Variants in AUTS2 observed in about 807,000 individuals in gnomAD.
AUTS2 encodes autism susceptibility gene 2 protein.
A neutral mutation model predicts 112.4 loss-of-function variants in AUTS2; 17 were observed. The ratio of observed to expected loss-of-function variants is 0.15; its 90% CI spans 0.10 to 0.23. AUTS2 has a LOEUF of 0.23. AUTS2 is among the 10% of genes least tolerant of loss of function. AUTS2 has a pLI of 1.00. For missense variants in AUTS2, 1,510 were observed against 1,701.6 expected, an observed-to-expected ratio of 0.89 and a Z score of 1.98; for synonymous variants, 751 against 702.7, an observed-to-expected ratio of 1.07 and a Z score of -1.09.
intron 4 of AUTS2, among the ~76,000 whole-genome samples, chr7:70,421,381 A>G (rs1448071610): frequency 2.6e-5 from 4 of 151,790 alleles, no homozygotes; most frequent in Admixed American, 2.0e-4. Context: ...GTGGACAGGC[A>G]TTTTCAACAC....
chr7:70,716,460 C>T (rs1389803783), intron 6 of AUTS2, among the ~76,000 whole-genome samples: 1 of 151,904 alleles, frequency 6.6e-6, no homozygotes, highest in Non-Finnish European at 1.5e-5. Flanking sequence ...AGTGAAACCC[C>T]ATCTCTACTA....
chr7:70,219,183 G>C (rs961752589), intron 4 of AUTS2, among the ~76,000 whole-genome samples: 1 of 152,120 alleles, frequency 6.6e-6, no homozygotes, highest in Non-Finnish European at 1.5e-5. Flanking sequence ...CCAAATGATG[G>C]AATAAAATCC....
chr7:70,624,020 C>T (rs1026036969), intron 5 of AUTS2, among the ~76,000 whole-genome samples: 6 of 152,204 alleles, frequency 3.9e-5, no homozygotes, highest in Non-Finnish European at 8.8e-5. Context: ...GGTTAGACTA[C>T]CAGGGAAGTA....
intron 4 of AUTS2, 114 bp from the exon 5 acceptor site, chr7:70,435,638 A>T: frequency 9.8e-7 from 1 of 1,022,596 alleles, no homozygotes; most frequent in Non-Finnish European, 1.5e-6. Context: ...AGCATTTTTT[A>T]TTTCCTTTAC....
intron 1 of AUTS2, among the ~76,000 whole-genome samples, chr7:69,692,983 T>G (rs1797411488): frequency 6.6e-6 from 1 of 152,216 alleles, no homozygotes; most frequent in African/African-American, 2.4e-5. Context: ...ACCTTAATTT[T>G]GAGAAAAAGA....
chr7:69,653,396 G>C (rs1795377935), intron 1 of AUTS2, among the ~76,000 whole-genome samples: 1 of 152,156 alleles, frequency 6.6e-6, no homozygotes. Context: ...AGTGCAACTA[G>C]CCCATTGGAT....
chr7:70,761,164 C>T (rs1392981080), intron 6 of AUTS2, among the ~76,000 whole-genome samples: 9 of 152,080 alleles, frequency 5.9e-5, no homozygotes, highest in East Asian at 1.9e-4. Context: ...ATATGTAAGC[C>T]GGGCACAGTG....
intron 5 of AUTS2, among the ~76,000 whole-genome samples, chr7:70,493,112 C>A (rs1304986609): frequency 6.6e-6 from 1 of 152,082 alleles, no homozygotes; most frequent in East Asian, 1.9e-4. Flanking sequence ...TCTTCATTTT[C>A]TAAAAATGTA....
In AUTS2 at chr7:70,752,057, G is replaced by A. The variant is rs1313061600; in HGVS notation, c.743-10813G>A. 3.7e-5 allele frequency among the ~76,000 whole-genome samples: 5 copies of A among 134,760 alleles called. No individual in the cohort carries two copies. In the East Asian group the frequency reaches 1.1e-3, roughly 30 times the overall value. 88.4% of individuals were successfully genotyped at this position (134,760 alleles called of 152,430 possible). On this transcript the variant is annotated intron_variant, in intron 6 of 18. Transcript: ENST00000342771. ...ACTGGTTTTAAGGGTGGCTGTGCTT[G>A]GGCTGTGTATGTGCGTAGTACACAG... is the stretch of plus-strand genomic sequence containing the variant.
chr7:69,714,236 C>CGTGT (rs1562830385), intron 1 of AUTS2, among the ~76,000 whole-genome samples: 14 of 106,350 alleles, frequency 1.3e-4, no homozygotes, highest in African/African-American at 6.2e-4. Context: ...GCTAATTGTG[C>CGTGT]ATGTGTGTGT....
chr7:70,056,363 A>T (rs966830379), intron 2 of AUTS2, among the ~76,000 whole-genome samples: 3 of 152,096 alleles, frequency 2.0e-5, no homozygotes, highest in African/African-American at 7.2e-5. Context: ...TTATACTTTA[A>T]TCATTCTGAG....
chr7:70,063,311 G>A (rs375111374), intron 2 of AUTS2, among the ~76,000 whole-genome samples: 11 of 150,924 alleles, frequency 7.3e-5, no homozygotes, highest in African/African-American at 1.2e-4. Flanking sequence ...TCTTTAAATA[G>A]CAAGTTGCTC....
At chr7:70,745,090 A>C (rs1244924970) in intron 6 of AUTS2, among the ~76,000 whole-genome samples, 1 of 152,054 alleles carries the variant, frequency 6.6e-6, no homozygotes, top group African/African-American at 2.4e-5. Flanking sequence ...ATTTGAGAAA[A>C]GTCCTTATTA....
At chr7:70,081,543 AG>A (rs1297688158) in intron 2 of AUTS2, among the ~76,000 whole-genome samples, 10 of 152,140 alleles carry the variant, frequency 6.6e-5, no homozygotes, top group African/African-American at 2.4e-4. Flanking sequence ...TCTGGGCAAC[AG>A]AGCAAGACTC....
intron 4 of AUTS2, among the ~76,000 whole-genome samples, chr7:70,283,500 G>T (rs1433376665): frequency 6.6e-6 from 1 of 152,028 alleles, no homozygotes; most frequent in Non-Finnish European, 1.5e-5. Flanking sequence ...ACTTTAAAAT[G>T]TATATCTTGG....
chr7:70,716,994 ATTTTTT>A (rs1159029938), intron 6 of AUTS2, among the ~76,000 whole-genome samples: 1 of 71,710 alleles, frequency 1.4e-5, no homozygotes, highest in African/African-American at 6.4e-5. Flanking sequence ...CAGTGGAGTT[ATTTTTT>A]TTTTTTTTTT....
chr7:69,656,139 A>G (rs1795522399), intron 1 of AUTS2, among the ~76,000 whole-genome samples: 2 of 152,194 alleles, frequency 1.3e-5, no homozygotes, highest in African/African-American at 4.8e-5. Flanking sequence ...GGATTATTTA[A>G]TAATTTTCTT....
intron 2 of AUTS2, among the ~76,000 whole-genome samples, chr7:70,015,295 A>G (rs1184208272): frequency 6.6e-6 from 1 of 152,250 alleles, no homozygotes; most frequent in Non-Finnish European, 1.5e-5. Flanking sequence ...GCCAGGTGTT[A>G]TACTTTAAAG....
chr7:69,817,865 C>T (rs922188831), intron 1 of AUTS2, among the ~76,000 whole-genome samples: 1 of 152,104 alleles, frequency 6.6e-6, no homozygotes, highest in African/African-American at 2.4e-5. Flanking sequence ...GCAAAGCTAC[C>T]TAATAATATC....
Sources: gnomAD v4.1 joint callset for allele counts (sites outside exome capture counted in the v4.1 genomes callset) on GRCh38, gnomAD v4.1.1 for gene constraint, MANE v1.5 for transcripts, NCBI Gene and HGNC (gene_info 2026-07-23, HGNC 2026-07-21) for gene names.